NOL8: variants seen among roughly 807,000 people sequenced by gnomAD.
NOL8 encodes the protein nucleolar protein Nop132.
A neutral mutation model predicts 116.1 loss-of-function variants in NOL8; 93 were observed. The observed-to-expected ratio is 0.80, with a 90% CI of 0.68 to 0.95. The LOEUF (loss-of-function observed/expected upper bound fraction) is 0.95, where lower values mean the gene tolerates loss of function less well. Ranked by LOEUF, NOL8 falls within the 40% of genes least tolerant of loss-of-function variation. The probability of loss-of-function intolerance (pLI) is 0.00; values close to 1 mark genes in which losing one functional copy is unlikely to be tolerated. For missense variants in NOL8, 1,291 were observed against 1,382.8 expected, an observed-to-expected ratio of 0.93 and a Z score of 1.05; for synonymous variants, 419 against 469.0, an observed-to-expected ratio of 0.89 and a Z score of 1.38.
intron 12 of NOL8, among the ~76,000 whole-genome samples, chr9:92,305,151 T>C (rs1257502591): frequency 1.3e-5 from 2 of 152,098 alleles, no homozygotes; most frequent in Non-Finnish European, 2.9e-5. Flanking sequence ...GGTCCTAGGA[T>C]GAGGAGCCCA....
Position 92,314,387 on chromosome 9 carries a change from T to C in NOL8, c.2238A>G (p.Ser746=), listed in dbSNP as rs575832091. Residue 746 remains serine, a synonymous_variant, in exon 7 of 17, where the codon TCA becomes TCG. Transcript: ENST00000442668. ...CATGCTTATCTTTAGCACTCACATC[T>C]GACGAATTACTAATAGAAAGTGAGA... is the stretch of plus-strand genomic sequence containing the variant. ...TDFSLSISNS[S]DVSAKDKHAE... 6.2e-7 allele frequency: 1 copy of C among 1,613,750 alleles called. No homozygotes were observed. Among genetic ancestry groups the C allele is most frequent in the Non-Finnish European group, 8.5e-7 (1 of 1,179,658 alleles).
intron 12 of NOL8, 73 bp downstream of exon 12, chr9:92,305,680 A>G: frequency 9.2e-7 from 1 of 1,087,942 alleles, no homozygotes; most frequent in South Asian, 1.3e-5. Flanking sequence ...ATTGGTTCCT[A>G]CCTACATTTT....
In NOL8 at chr9:92,300,259, T is replaced by C. The variant is rs1383312220; in HGVS notation, c.3176-243A>G. 6.6e-6 allele frequency: 7 copies of C among 1,055,532 alleles called. No individual in the cohort carries two copies. The East Asian group carries it at 2.0e-4, about 30-fold the overall frequency. 65.4% of individuals were successfully genotyped at this position (1,055,532 alleles called of 1,614,324 possible). A position where few individuals can be genotyped will look rare whatever the true frequency, so the allele number is the denominator to read the frequency against. ...TGATCTGATAAGGACAGCAGTAATA[T>C]AAAAAAGGTTTAAAAAATAAAGGTT... On this transcript the variant is annotated intron_variant, in intron 13 of 16. Transcript: ENST00000442668.
chr9:92,311,025 C>G, intron 8 of NOL8, 121 bp downstream of exon 8: 3 of 722,468 alleles, frequency 4.2e-6, no homozygotes, highest in Non-Finnish European at 6.9e-6. Context: ...ATGAGGTGAC[C>G]TGGCAAGCCC....
At chr9:92,318,200 TCCTCGTGCTTG>T (rs1007335661) in intron 6 of NOL8, among the ~76,000 whole-genome samples, 2 of 152,080 alleles carry the variant, frequency 1.3e-5, no homozygotes, top group African/African-American at 4.8e-5. Context: ...CAACCCACCA[TCCTCGTGCTTG>T]CCCACATATT....
chr9:92,313,077 C>G (rs910593903), intron 7 of NOL8, among the ~76,000 whole-genome samples: 8 of 151,844 alleles, frequency 5.3e-5, no homozygotes, highest in African/African-American at 1.9e-4. Context: ...TACTTCCTGC[C>G]CTTTTTCCTT....
At chr9:92,312,215 G>A (rs1182096272) in intron 7 of NOL8, among the ~76,000 whole-genome samples, 18 of 152,100 alleles carry the variant, frequency 1.2e-4, no homozygotes. Flanking sequence ...AGCACTTTGG[G>A]AGGCCAAGGC....
chr9:92,299,009 C>A, intron 14 of NOL8, 55 bp from the exon 15 acceptor site: 1 of 878,582 alleles, frequency 1.1e-6, no homozygotes, highest in Non-Finnish European at 1.7e-6. Context: ...GGTTTAATTT[C>A]AATATTTAAG....
At chr9:92,317,808 G>C (rs759207306) in intron 6 of NOL8, among the ~76,000 whole-genome samples, 8 of 151,958 alleles carry the variant, frequency 5.3e-5, no homozygotes, top group Non-Finnish European at 7.4e-5. Context: ...GCCAAGGTGG[G>C]CAGATCACAA....
In NOL8 at chr9:92,315,146, T is replaced by C. The variant is rs372465361; in HGVS notation, c.1479A>G (p.Gln493=). ...RVNLTLADLE[Q]LAGSDLKVPN... ...GAACCTTCAGATCACTGCCAGCCAA[T>C]TGTTCCAAATCAGCTAAAGTGAGAT... The change falls in exon 7 of 17, where the codon CAA becomes CAG. Residue 493 remains glutamine, a synonymous_variant. Transcript: ENST00000442668. 14 of 1,613,986 alleles carry C rather than the reference T, an allele frequency of 8.7e-6. No individual in the cohort carries two copies. The African/African-American group carries it at 1.7e-4, about 20-fold the overall frequency.
chr9:92,315,096 C>A lies in NOL8; in HGVS notation c.1529G>T (p.Gly510Val). The A allele has an allele frequency of 6.2e-7, 1 of 1,613,958 alleles. No individual in the cohort carries two copies. Among genetic ancestry groups the A allele is most frequent in the South Asian group, 1.1e-5 (1 of 91,072 alleles). ...KVPNEDTKSDGPETTTQCKFD... is the reference protein window; with the variant it reads ...KVPNEDTKSDVPETTTQCKFD... ...CTTGCATTGGGTGGTGGTTTCTGGT[C>A]CATCACTCTTAGTATCTTCATTTGG... Residue 510 changes from glycine to valine, a missense_variant, in exon 7 of 17, where the codon GGA becomes GTA. Transcript: ENST00000442668.
intron 12 of NOL8, among the ~76,000 whole-genome samples, chr9:92,304,357 T>C (rs562715467): frequency 2.0e-5 from 3 of 152,184 alleles, no homozygotes; most frequent in Non-Finnish European, 4.4e-5. Flanking sequence ...CCGCTCTATA[T>C]TGGAGGAAGG....
At chr9:92,320,595 C>CT (rs200624790) in intron 4 of NOL8, among the ~76,000 whole-genome samples, 5,804 of 145,752 alleles carry the variant, frequency 0.04, 196 homozygotes, top group East Asian at 0.13. Context: ...CCTGTATATT[C>CT]TTTTTTTTTT....
At chr9:92,314,210 A>C in intron 7 of NOL8, 57 bp downstream of exon 7, 1 of 1,499,284 alleles carries the variant, frequency 6.7e-7, no homozygotes, top group Non-Finnish European at 8.9e-7. Flanking sequence ...CTTCATGGGA[A>C]AGAAAAGCTG....
At chr9:92,312,461 A>C (rs901884444) in intron 7 of NOL8, among the ~76,000 whole-genome samples, 3 of 150,756 alleles carry the variant, frequency 2.0e-5, no homozygotes, top group African/African-American at 7.3e-5. Context: ...AAAAAAAAAA[A>C]AAAAAAAAAA....
rs1840378306 is a variant in NOL8, at chr9:92,325,299, T to C, written c.-49+7A>G. The C allele has an allele frequency of 6.6e-6, 1 of 152,246 alleles. No homozygotes were observed. Among genetic ancestry groups the C allele is most frequent in the Non-Finnish European group, 1.5e-5 (1 of 68,124 alleles). The allele number at this position is 152,246 out of a possible 1,614,324, so 9.4% of individuals were successfully genotyped here. On this transcript the variant is annotated splice_region_variant and intron_variant, in intron 1 of 16. Transcript: ENST00000442668. Reference sequence around the variant, plus strand: ...GTGACTTCTCATGCCCGAAACCCACTCCTCACCACGTCGTTCACCTAAAGC... The same window carrying C: ...GTGACTTCTCATGCCCGAAACCCACCCCTCACCACGTCGTTCACCTAAAGC...
chr9:92,316,809 TA>T (rs965482743), intron 6 of NOL8, among the ~76,000 whole-genome samples: 1 of 151,998 alleles, frequency 6.6e-6, no homozygotes, highest in African/African-American at 2.4e-5. Context: ...AATTAAAAAT[TA>T]AAAAAAATCT....
intron 3 of NOL8, among the ~76,000 whole-genome samples, chr9:92,321,950 A>T (rs1178687865): frequency 6.6e-6 from 1 of 152,142 alleles, no homozygotes; most frequent in Non-Finnish European, 1.5e-5. Flanking sequence ...GAGTCTTTAC[A>T]CTCCCTATCT....
At chr9:92,300,884 T>C (rs992895392) in intron 13 of NOL8, 24 of 1,017,336 alleles carry the variant, frequency 2.4e-5, no homozygotes, top group East Asian at 8.3e-5. Context: ...ATCTTTAAAG[T>C]AGAATCATTG....
Sources: allele counts gnomAD v4.1 joint callset (sites outside exome capture counted in the v4.1 genomes callset), GRCh38; gene constraint gnomAD v4.1.1; transcripts MANE v1.5; gene names NCBI Gene and HGNC (gene_info 2026-07-23, HGNC 2026-07-21).